The following XYLT1 variants were observed in gnomAD, a reference collection of about 807,000 sequenced individuals.
XYLT1 encodes the protein xylosyltransferase 1.
In XYLT1, 36 loss-of-function variants were observed where a neutral mutation model predicts 91.3. That is an observed-to-expected ratio of 0.39 (90% CI 0.30 to 0.52). XYLT1 has a LOEUF of 0.52. XYLT1 is among the 20% of genes least tolerant of loss of function. XYLT1 has a pLI of 0.68. For missense variants in XYLT1, 1,242 were observed against 1,284.5 expected (o/e 0.97, Z 0.51); for synonymous variants, 588 against 532.0 (o/e 1.11, Z -1.45).
intron 1 of XYLT1, among the ~76,000 whole-genome samples, chr16:17,455,896 G>A (rs1414757416): frequency 1.3e-5 from 2 of 152,192 alleles, no homozygotes; most frequent in Admixed American, 6.5e-5. Flanking sequence ...AAAAGGCCAG[G>A]TCTGGCTTCC....
At chr16:17,452,085 T>C (rs2036672093) in intron 1 of XYLT1, among the ~76,000 whole-genome samples, 1 of 152,116 alleles carries the variant, frequency 6.6e-6, no homozygotes, top group South Asian at 2.1e-4. Flanking sequence ...ACTCAATTGC[T>C]ATAAGAGAAG....
intron 1 of XYLT1, among the ~76,000 whole-genome samples, chr16:17,461,755 T>C (rs895928529): frequency 6.6e-6 from 1 of 152,152 alleles, no homozygotes; most frequent in Non-Finnish European, 1.5e-5. Flanking sequence ...CTGAACTGGG[T>C]AGACTGAGAA....
intron 2 of XYLT1, among the ~76,000 whole-genome samples, chr16:17,319,832 T>C (rs2034690246): frequency 6.6e-6 from 1 of 152,132 alleles, no homozygotes. Context: ...GGCCTTAGTT[T>C]CCCCACTGAA....
At chr16:17,152,254 G>A (rs188577925) in intron 6 of XYLT1, among the ~76,000 whole-genome samples, 59 of 152,290 alleles carry the variant, frequency 3.9e-4, no homozygotes, top group African/African-American at 1.4e-3. Context: ...TTCTAAAGAT[G>A]ACCTAAAAAC....
intron 1 of XYLT1, among the ~76,000 whole-genome samples, chr16:17,450,823 G>C (rs1212603375): frequency 6.6e-6 from 1 of 152,186 alleles, no homozygotes; most frequent in Non-Finnish European, 1.5e-5. Context: ...CATCTCTCTA[G>C]ATCAGTGTTA....
At chr16:17,159,704 G>T (rs142356288) in intron 5 of XYLT1, among the ~76,000 whole-genome samples, 1 of 152,342 alleles carries the variant, frequency 6.6e-6, no homozygotes, top group African/African-American at 2.4e-5. Context: ...TAAAAAATAT[G>T]AAGTCCAATA....
In XYLT1 at chr16:17,117,792, T is replaced by A. The variant is rs771585010; in HGVS notation, c.2411A>T (p.Glu804Val). The A allele has an allele frequency of 2.4e-5, 39 of 1,614,030 alleles. No individual in the cohort carries two copies. Among genetic ancestry groups the A allele is most frequent in the Non-Finnish European group, 3.3e-5 (39 of 1,180,046 alleles). The change falls in exon 11 of 12, where the codon GAA (glutamate) becomes GTA (valine). Residue 804 changes from glutamate to valine, a missense_variant. Transcript: ENST00000261381. ...TYDILIESTA[E>V]FTHYKPPLNL... ...CAAAGGGGGCTTGTAGTGTGTGAAT[T>A]CGGCAGTGGACTCAATGAGGATGTC... is the stretch of plus-strand genomic sequence containing the variant.
At chr16:17,145,576 CAG>C (rs1224751073) in intron 6 of XYLT1, among the ~76,000 whole-genome samples, 2 of 152,196 alleles carry the variant, frequency 1.3e-5, no homozygotes, top group Admixed American at 6.5e-5. Flanking sequence ...AAATAGGAGA[CAG>C]AAAGACACAG....
At chr16:17,328,251 T>A (rs755665076) in intron 2 of XYLT1, among the ~76,000 whole-genome samples, 3 of 151,922 alleles carry the variant, frequency 2.0e-5, no homozygotes, top group Non-Finnish European at 4.4e-5. Context: ...TCAGGCATAT[T>A]AAAAGCCATG....
chr16:17,432,406 T>C (rs1379482032), intron 1 of XYLT1, among the ~76,000 whole-genome samples: 1 of 152,144 alleles, frequency 6.6e-6, no homozygotes, highest in East Asian at 1.9e-4. Context: ...ACTACACATA[T>C]AGACCTCAAA....
chr16:17,144,565 A>G (rs2031083289), intron 6 of XYLT1, among the ~76,000 whole-genome samples: 1 of 152,158 alleles, frequency 6.6e-6, no homozygotes, highest in African/African-American at 2.4e-5. Flanking sequence ...GGAGAGAAAA[A>G]TGGACATTCT....
chr16:17,201,918 C>T (rs2032551626), intron 3 of XYLT1, among the ~76,000 whole-genome samples: 2 of 152,144 alleles, frequency 1.3e-5, no homozygotes, highest in Non-Finnish European at 2.9e-5. Flanking sequence ...TGTGGCCTGC[C>T]TTGAGCTCCT....
At chr16:17,126,806 C>G (rs149204775) in intron 10 of XYLT1, among the ~76,000 whole-genome samples, 1 of 152,160 alleles carries the variant, frequency 6.6e-6, no homozygotes, top group African/African-American at 2.4e-5. Flanking sequence ...TCCTGCACCA[C>G]GACCCAAGTA....
intron 5 of XYLT1, among the ~76,000 whole-genome samples, chr16:17,163,509 G>C (rs2031600604): frequency 6.6e-6 from 1 of 152,190 alleles, no homozygotes; most frequent in African/African-American, 2.4e-5. Context: ...TGGGCTCCCG[G>C]TGCCCACCTG....
chr16:17,217,863 T>G (rs182289986), intron 3 of XYLT1, among the ~76,000 whole-genome samples: 6 of 149,982 alleles, frequency 4.0e-5, no homozygotes, highest in Admixed American at 3.3e-4. Context: ...ACATAAAGAG[T>G]GAGCCAGGTG....
At chr16:17,320,190 T>C (rs1320387995) in intron 2 of XYLT1, among the ~76,000 whole-genome samples, 1 of 152,224 alleles carries the variant, frequency 6.6e-6, no homozygotes, top group Non-Finnish European at 1.5e-5. Flanking sequence ...CTACGGAGGT[T>C]GTAAACATTC....
intron 6 of XYLT1, among the ~76,000 whole-genome samples, chr16:17,144,284 G>A (rs769668239): frequency 6.6e-6 from 1 of 152,194 alleles, no homozygotes; most frequent in Non-Finnish European, 1.5e-5. Context: ...TACATGTCCA[G>A]CACCTACCAC....
intron 3 of XYLT1, among the ~76,000 whole-genome samples, chr16:17,215,784 G>C (rs1454930595): frequency 6.6e-6 from 1 of 152,132 alleles, no homozygotes; most frequent in Non-Finnish European, 1.5e-5. Context: ...GTAAGGAGAA[G>C]ACATACAGGA....
intron 2 of XYLT1, among the ~76,000 whole-genome samples, chr16:17,295,636 G>C (rs143240007): frequency 1.3e-5 from 2 of 152,290 alleles, no homozygotes; most frequent in East Asian, 3.9e-4. Context: ...GATTATAGGC[G>C]TGAGCCACCA....
Sources: gnomAD v4.1 joint callset for allele counts (sites outside exome capture counted in the v4.1 genomes callset) on GRCh38, gnomAD v4.1.1 for gene constraint, MANE v1.5 for transcripts, NCBI Gene and HGNC (gene_info 2026-07-23, HGNC 2026-07-21) for gene names.